BMP5: variants seen among roughly 807,000 people sequenced by gnomAD.
BMP5 encodes bone morphogenetic protein 5.
A neutral mutation model predicts 46.6 loss-of-function variants in BMP5; 23 were observed. The observed-to-expected ratio is 0.49, with a 90% confidence interval of 0.35 to 0.70. BMP5 has a LOEUF of 0.70. Ranked by LOEUF, BMP5 falls within the 30% of genes least tolerant of loss-of-function variation. BMP5 has a pLI of 0.00. For synonymous variants in BMP5, 204 were observed against 191.9 expected, an observed-to-expected ratio of 1.06 and a Z score of -0.52; for missense variants, 545 against 565.6, an observed-to-expected ratio of 0.96 and a Z score of 0.37.
intron 1 of BMP5, among the ~76,000 whole-genome samples, chr6:55,829,355 T>TC (rs1299395094): frequency 6.6e-6 from 1 of 151,742 alleles, no homozygotes; most frequent in African/African-American, 2.4e-5. Flanking sequence ...TTGTTTTTTT[T>TC]CAGATTTTTT....
chr6:55,828,803 A>T (rs1393665312), intron 1 of BMP5, among the ~76,000 whole-genome samples: 1 of 151,800 alleles, frequency 6.6e-6, no homozygotes, highest in African/African-American at 2.4e-5. Flanking sequence ...GGATATGAGG[A>T]TTTTTATAGC....
chr6:55,781,086 T>A (rs2127524156), intron 3 of BMP5, among the ~76,000 whole-genome samples: 1 of 152,246 alleles, frequency 6.6e-6, no homozygotes. Flanking sequence ...TACTTTTTAA[T>A]AGCTCTTGTC....
intron 1 of BMP5, among the ~76,000 whole-genome samples, chr6:55,821,450 C>T (rs1004524941): frequency 2.0e-5 from 3 of 152,140 alleles, no homozygotes; most frequent in African/African-American, 7.2e-5. Flanking sequence ...TCCCAAGTAG[C>T]TGGGACTACT....
intron 1 of BMP5, among the ~76,000 whole-genome samples, chr6:55,841,598 T>A (rs181044076): frequency 7.7e-6 from 1 of 130,042 alleles, no homozygotes; most frequent in Non-Finnish European, 1.7e-5. Context: ...GGTCTGGTGG[T>A]GGTGTTTGTT....
intron 2 of BMP5, among the ~76,000 whole-genome samples, chr6:55,808,945 A>C (rs1336839181): frequency 6.6e-6 from 1 of 152,136 alleles, no homozygotes; most frequent in East Asian, 1.9e-4. Flanking sequence ...AAAGAGCCAC[A>C]CTATCCATGT....
chr6:55,755,454 G>A lies in BMP5; in HGVS notation c.*79C>T, dbSNP rs942062506. 2.3e-5 allele frequency: 32 copies of A among 1,410,164 alleles called. No homozygotes were observed. The highest frequency in any genetic ancestry group is 9.1e-5 in the Admixed American group (5 of 54,776). The allele number at this position is 1,410,164 out of a possible 1,614,324, so 87.4% of individuals were successfully genotyped here. Reference sequence around the variant, plus strand: ...CCAGACTAATTTTAGGAAATTCCCCGTTTGTCTGAAAGTATGCTTTTTATT... The same window carrying A: ...CCAGACTAATTTTAGGAAATTCCCCATTTGTCTGAAAGTATGCTTTTTATT... On this transcript the variant is annotated 3_prime_UTR_variant, in exon 7 of 7. Transcript: ENST00000370830.
chr6:55,790,080 C>A (rs919530428), intron 3 of BMP5, among the ~76,000 whole-genome samples: 26 of 152,070 alleles, frequency 1.7e-4, no homozygotes, highest in Non-Finnish European at 2.6e-4. Context: ...CAGGGGCAGG[C>A]TAAACAAAAT....
At chr6:55,850,130 A>G (rs187116530) in intron 1 of BMP5, among the ~76,000 whole-genome samples, 205 of 152,234 alleles carry the variant, frequency 1.3e-3, no homozygotes, top group Non-Finnish European at 1.9e-3. Context: ...GGTGTCATCT[A>G]CAAGTTGCAC....
At chr6:55,789,298 G>C (rs946293035) in intron 3 of BMP5, among the ~76,000 whole-genome samples, 4 of 151,760 alleles carry the variant, frequency 2.6e-5, no homozygotes, top group Admixed American at 6.6e-5. Context: ...CTTTTTAAAA[G>C]ACATTCTAAT....
chr6:55,835,770 T>C (rs752737279), intron 1 of BMP5, among the ~76,000 whole-genome samples: 9 of 152,150 alleles, frequency 5.9e-5, no homozygotes, highest in Admixed American at 3.9e-4. Context: ...CAGAGCAAAT[T>C]TGCAACACTT....
chr6:55,765,434 A>G (rs1774895661), intron 4 of BMP5, among the ~76,000 whole-genome samples: 1 of 152,190 alleles, frequency 6.6e-6, no homozygotes. Flanking sequence ...AAAGAGAAAG[A>G]GGGAAAAAGG....
chr6:55,776,413 G>C (rs547822680), intron 3 of BMP5, among the ~76,000 whole-genome samples: 2 of 151,352 alleles, frequency 1.3e-5, no homozygotes, highest in Non-Finnish European at 2.9e-5. Flanking sequence ...ACTTGAAATT[G>C]GTTTAAGATG....
At chr6:55,824,855 C>T (rs750526703) in intron 1 of BMP5, among the ~76,000 whole-genome samples, 2 of 151,896 alleles carry the variant, frequency 1.3e-5, no homozygotes, top group Non-Finnish European at 2.9e-5. Context: ...CATACATAGA[C>T]TTCACTAATC....
Position 55,761,321 on chromosome 6 carries a change from A to G in BMP5, c.1028-788T>C, listed in dbSNP as rs561373387. Among the ~76,000 whole-genome samples, 8 of 152,094 alleles carry G rather than the reference A, an allele frequency of 5.3e-5. No homozygotes were observed. The South Asian group carries it at 1.7e-3, about 32-fold the overall frequency. On this transcript the variant is annotated intron_variant, in intron 4 of 6. Coordinates refer to ENST00000370830, the MANE Select transcript of BMP5 (RefSeq NM_021073.4). ...TCCCTGCTTCTGCCCTTGCTCCTCTATAGCAAACTAGTCAAGTGGACCTTT... is the reference window on the plus strand; with the variant it reads ...TCCCTGCTTCTGCCCTTGCTCCTCTGTAGCAAACTAGTCAAGTGGACCTTT...
intron 1 of BMP5, among the ~76,000 whole-genome samples, chr6:55,840,405 C>T (rs550446408): frequency 1.9e-4 from 29 of 152,198 alleles, no homozygotes; most frequent in African/African-American, 6.7e-4. Context: ...TTGAATTAGA[C>T]ATGGTGAGCA....
chr6:55,754,196 A>G lies in BMP5; in HGVS notation c.*1337T>C, dbSNP rs2127513140. 1 of 152,110 alleles carries G rather than the reference A, an allele frequency of 6.6e-6. No individual in the cohort carries two copies. The highest frequency in any genetic ancestry group is 2.1e-4 in the South Asian group (1 of 4,832). The allele number at this position is 152,110 out of a possible 1,614,324, so 9.4% of individuals were successfully genotyped here. On this transcript the variant is annotated 3_prime_UTR_variant, in exon 7 of 7. Coordinates refer to ENST00000370830, the MANE Select transcript of BMP5 (RefSeq NM_021073.4). ...GCCTAACCACAGAGTCACCATAAAT[A>G]GCAAGTTATCAATCTAAAGATCATT...
chr6:55,775,583 T>G (rs1286536285), intron 3 of BMP5, among the ~76,000 whole-genome samples: 1 of 151,908 alleles, frequency 6.6e-6, no homozygotes, highest in Non-Finnish European at 1.5e-5. Context: ...GTTTGAAATA[T>G]GTGCATGATT....
At chr6:55,775,731 C>T (rs891433818) in intron 3 of BMP5, among the ~76,000 whole-genome samples, 32 of 151,832 alleles carry the variant, frequency 2.1e-4, no homozygotes, top group African/African-American at 5.3e-4. Flanking sequence ...CCCAAAATGG[C>T]ATCAATGGCA....
At chr6:55,760,680 C>A in intron 4 of BMP5, 147 bp from the exon 5 acceptor site, 1 of 686,762 alleles carries the variant, frequency 1.5e-6, no homozygotes, top group Non-Finnish European at 2.5e-6. Context: ...GAACTACTTA[C>A]TAACCATGTG....
Sources: allele counts gnomAD v4.1 joint callset (sites outside exome capture counted in the v4.1 genomes callset), GRCh38; gene constraint gnomAD v4.1.1; transcripts MANE v1.5; gene names NCBI Gene and HGNC (gene_info 2026-07-23, HGNC 2026-07-21).